Variants in ACTN1 observed in about 807,000 individuals in gnomAD.
The protein encoded by ACTN1 is alpha-actinin-1.
In ACTN1, 30 loss-of-function variants were observed where a neutral mutation model predicts 119.6. The ratio of observed to expected loss-of-function variants is 0.25; its 90% CI spans 0.19 to 0.34. The LOEUF is 0.34. ACTN1 is among the 10% of genes least tolerant of loss of function. ACTN1 has a pLI of 1.00. For synonymous variants in ACTN1, 429 were observed against 472.6 expected, an observed-to-expected ratio of 0.91 and a Z score of 1.20; for missense variants, 764 against 1,223.4, an observed-to-expected ratio of 0.62 and a Z score of 5.60.
chr14:68,945,163 CA>C (rs11408138), intron 1 of ACTN1, among the ~76,000 whole-genome samples: 77 of 120,020 alleles, frequency 6.4e-4, no homozygotes, highest in Non-Finnish European at 8.6e-4. Context: ...GACTCCGGTT[CA>C]AAAAAAAAAA....
At chr14:68,956,471 G>A (rs2036355181) in intron 1 of ACTN1, among the ~76,000 whole-genome samples, 1 of 152,194 alleles carries the variant, frequency 6.6e-6, no homozygotes, top group Non-Finnish European at 1.5e-5. Context: ...TGGAAATGCA[G>A]ATTTCTGGGC....
At chr14:68,891,406 T>C (rs2032471162) in intron 10 of ACTN1, among the ~76,000 whole-genome samples, 1 of 152,236 alleles carries the variant, frequency 6.6e-6, no homozygotes, top group African/African-American at 2.4e-5. Flanking sequence ...AAGCAGCTTA[T>C]TATATAAAAC....
chr14:68,920,602 C>T (rs767051968), intron 3 of ACTN1, among the ~76,000 whole-genome samples: 8 of 152,174 alleles, frequency 5.3e-5, no homozygotes, highest in Non-Finnish European at 7.4e-5. Flanking sequence ...TCCCAGGGCC[C>T]CGGGGAGTCT....
chr14:68,968,237 G>A (rs559887353), intron 1 of ACTN1, among the ~76,000 whole-genome samples: 4 of 152,342 alleles, frequency 2.6e-5, no homozygotes, highest in South Asian at 2.1e-4. Context: ...GAACACTGGC[G>A]GGGTGCAGGG....
At chr14:68,926,850 A>G (rs1428876909) in intron 1 of ACTN1, among the ~76,000 whole-genome samples, 2 of 152,234 alleles carry the variant, frequency 1.3e-5, no homozygotes, top group African/African-American at 4.8e-5. Context: ...AGCGAGTATC[A>G]GGGGAAAAGA....
At chr14:68,901,929 G>T (rs939531349) in intron 8 of ACTN1, among the ~76,000 whole-genome samples, 6 of 152,230 alleles carry the variant, frequency 3.9e-5, no homozygotes, top group Non-Finnish European at 8.8e-5. Flanking sequence ...GGCCGCATGG[G>T]AGTCCCAGGC....
At chr14:68,961,776 C>A (rs1274831820) in intron 1 of ACTN1, among the ~76,000 whole-genome samples, 1 of 152,218 alleles carries the variant, frequency 6.6e-6, no homozygotes, top group Non-Finnish European at 1.5e-5. Context: ...GGAGCCATGA[C>A]CCTGGCTGGC....
At chr14:68,933,121 T>C (rs2035305158) in intron 1 of ACTN1, among the ~76,000 whole-genome samples, 1 of 151,750 alleles carries the variant, frequency 6.6e-6, no homozygotes, top group Admixed American at 6.6e-5. Flanking sequence ...AGTCCTTACC[T>C]CCTTGTATTT....
rs116003004 is a variant in ACTN1 at position 68,919,928 on chromosome 14, G to T, written c.340+1078C>A. Among the ~76,000 whole-genome samples, 1,287 of 152,308 alleles carry T rather than the reference G, an allele frequency of 8.4e-3. 12 individuals are homozygous for T. The highest frequency in any genetic ancestry group is 0.029 in the African/African-American group (1,206 of 41,554). On this transcript the variant is annotated intron_variant, in intron 3 of 21. Coordinates refer to ENST00000394419, the MANE Select transcript of ACTN1 (RefSeq NM_001130004.2). ...TGCAGTTTGCTGAGCCTGTGTTAAAGTTCTCCATTTGATAAATATCCCTCC... is the reference window on the plus strand; with the variant it reads ...TGCAGTTTGCTGAGCCTGTGTTAAATTTCTCCATTTGATAAATATCCCTCC...
intron 1 of ACTN1, among the ~76,000 whole-genome samples, chr14:68,960,469 A>C (rs144186988): frequency 6.6e-6 from 1 of 152,318 alleles, no homozygotes; most frequent in Non-Finnish European, 1.5e-5. Flanking sequence ...CATAACTGAA[A>C]TATATATAAT....
At chr14:68,926,531 A>G (rs954915774) in intron 1 of ACTN1, among the ~76,000 whole-genome samples, 3 of 152,236 alleles carry the variant, frequency 2.0e-5, no homozygotes, top group African/African-American at 7.2e-5. Flanking sequence ...TGGCAACCAG[A>G]GAGAAGAGCT....
At chr14:68,966,701 G>T (rs1389347787) in intron 1 of ACTN1, among the ~76,000 whole-genome samples, 1 of 152,178 alleles carries the variant, frequency 6.6e-6, no homozygotes, top group Non-Finnish European at 1.5e-5. Context: ...CACCCCTCGG[G>T]ATACTGTGGC....
chr14:68,924,393 T>C (rs2034810777), intron 2 of ACTN1, among the ~76,000 whole-genome samples: 1 of 152,248 alleles, frequency 6.6e-6, no homozygotes, highest in Non-Finnish European at 1.5e-5. Flanking sequence ...GCATGTCATC[T>C]GGGGAGAGCT....
chr14:68,978,924 G>T (rs893870871), intron 1 of ACTN1, 28 bp downstream of exon 1: 3 of 1,469,980 alleles, frequency 2.0e-6, no homozygotes, highest in Non-Finnish European at 2.8e-6. Flanking sequence ...GGGGCTGGGG[G>T]CTGCAGCGGG....
At chr14:68,894,949 TG>T (rs1248367372) in intron 8 of ACTN1, among the ~76,000 whole-genome samples, 2 of 151,920 alleles carry the variant, frequency 1.3e-5, no homozygotes, top group Non-Finnish European at 2.9e-5. Context: ...AAGACGGAAA[TG>T]TTTTTTCCTT....
Position 68,879,126 on chromosome 14 carries a change from GA to G in ACTN1, c.2281-58del. The stretch of plus-strand genomic sequence containing the variant: ...TGCGGTGTCAGGGAGGTGGAGCCGT[GA>G]GGGGGGCATGCCCCGGGGGAGGGTG... On this transcript the variant is annotated intron_variant, in intron 18 of 21. Transcript: ENST00000394419. This position sits in a 1 kb window ranked among gnomAD's most constrained non-coding sequence, Gnocchi z 4.9. 6.5e-7 allele frequency: 1 copy of G among 1,548,368 alleles called. No homozygotes were observed. Among genetic ancestry groups the G allele is most frequent in the African/African-American group, 1.4e-5 (1 of 72,674 alleles).
At chr14:68,978,882 C>T (rs1348378929) in intron 1 of ACTN1, 70 bp downstream of exon 1, 14 of 959,410 alleles carry the variant, frequency 1.5e-5, no homozygotes, top group Non-Finnish European at 2.1e-5. Context: ...GCCGAGAGCC[C>T]GGCAGGCAGA....
intron 1 of ACTN1, among the ~76,000 whole-genome samples, chr14:68,961,957 C>T (rs942275461): frequency 4.6e-5 from 7 of 152,210 alleles, no homozygotes; most frequent in Non-Finnish European, 1.0e-4. Context: ...TCACAAGACA[C>T]CCTGAAAGCT....
At chr14:68,978,839 C>T (rs1275351488) in intron 1 of ACTN1, 113 bp downstream of exon 1, 4 of 642,194 alleles carry the variant, frequency 6.2e-6, no homozygotes, top group Non-Finnish European at 9.6e-6. Flanking sequence ...CCGCCCCCTC[C>T]CGTGCGCGCC....
Sources: allele counts gnomAD v4.1 joint callset (sites outside exome capture counted in the v4.1 genomes callset), GRCh38; gene constraint gnomAD v4.1.1; non-coding constraint Gnocchi (gnomAD v3.1); transcripts MANE v1.5; gene names NCBI Gene and HGNC (gene_info 2026-07-23, HGNC 2026-07-21).